AMPH: variants seen among roughly 807,000 people sequenced by gnomAD.
AMPH encodes amphiphysin.
A neutral mutation model predicts 99.1 loss-of-function variants in AMPH; 49 were observed. The observed-to-expected ratio is 0.49, with a 90% CI of 0.39 to 0.63. AMPH has a LOEUF of 0.63. Ranked by LOEUF, AMPH falls within the 20% of genes least tolerant of loss-of-function variation. The pLI is 0.00. For synonymous variants in AMPH, 314 were observed against 317.3 expected, an observed-to-expected ratio of 0.99 and a Z score of 0.11; for missense variants, 759 against 863.4, an observed-to-expected ratio of 0.88 and a Z score of 1.52.
intron 1 of AMPH, among the ~76,000 whole-genome samples, chr7:38,590,145 C>T (rs1792802782): frequency 6.9e-6 from 1 of 144,036 alleles, no homozygotes; most frequent in African/African-American, 2.7e-5. Flanking sequence ...GGAATGGAAC[C>T]TTGAGCCATG....
chr7:38,432,384 A>T (rs148693278), intron 12 of AMPH, among the ~76,000 whole-genome samples, 172 bp from the exon 13 acceptor site: 1 of 152,180 alleles, frequency 6.6e-6, no homozygotes, highest in Non-Finnish European at 1.5e-5. Flanking sequence ...CTTATCCAGT[A>T]TGGTAGCCAC....
intron 2 of AMPH, among the ~76,000 whole-genome samples, chr7:38,515,570 C>T (rs1339658959): frequency 2.6e-5 from 4 of 152,120 alleles, no homozygotes; most frequent in Non-Finnish European, 4.4e-5. Flanking sequence ...TTATAAATTA[C>T]CCAGTTTCAG....
chr7:38,561,926 A>G (rs1347771492), intron 1 of AMPH, among the ~76,000 whole-genome samples: 3 of 142,856 alleles, frequency 2.1e-5, no homozygotes, highest in Admixed American at 1.4e-4. Context: ...ACTTGTAAGA[A>G]AAAAAAAAAA....
chr7:38,590,214 A>G (rs140624091), intron 1 of AMPH, among the ~76,000 whole-genome samples: 9,800 of 152,216 alleles, frequency 0.064, 370 homozygotes, highest in East Asian at 0.12. Context: ...CGTGGAACCC[A>G]GCGACTAGTG....
chr7:38,467,198 G>C (rs1205558818), intron 7 of AMPH, among the ~76,000 whole-genome samples: 4 of 152,142 alleles, frequency 2.6e-5, no homozygotes, highest in Non-Finnish European at 4.4e-5. Flanking sequence ...TGGTTCTCTG[G>C]GGCAGAGGTC....
At chr7:38,473,567 G>C (rs545206439) in intron 7 of AMPH, among the ~76,000 whole-genome samples, 2 of 106,522 alleles carry the variant, frequency 1.9e-5, no homozygotes, top group Non-Finnish European at 3.7e-5. Flanking sequence ...AGCCGGGCGC[G>C]GTGGCGGGCG....
intron 1 of AMPH, among the ~76,000 whole-genome samples, chr7:38,611,853 T>C (rs570510900): frequency 6.6e-6 from 1 of 152,284 alleles, no homozygotes; most frequent in African/African-American, 2.4e-5. Flanking sequence ...CCATAAATGT[T>C]AGTAATAGGA....
At chr7:38,516,034 G>C (rs1789726236) in intron 2 of AMPH, among the ~76,000 whole-genome samples, 1 of 152,216 alleles carries the variant, frequency 6.6e-6, no homozygotes, top group African/African-American at 2.4e-5. Flanking sequence ...CATGAGCAAA[G>C]AAATGACCTG....
chr7:38,424,727 T>C (rs1023381790), intron 15 of AMPH, among the ~76,000 whole-genome samples: 2 of 152,078 alleles, frequency 1.3e-5, no homozygotes, highest in Admixed American at 6.6e-5. Context: ...AAAAGGCTTA[T>C]ACAGTGGATG....
chr7:38,403,834 C>T (rs1784910012), intron 17 of AMPH, among the ~76,000 whole-genome samples: 1 of 152,232 alleles, frequency 6.6e-6, no homozygotes, highest in South Asian at 2.1e-4. Context: ...ACTTCCCCTA[C>T]TGGGGCCTTG....
chr7:38,577,199 G>C (rs1422430360), intron 1 of AMPH, among the ~76,000 whole-genome samples: 1 of 152,072 alleles, frequency 6.6e-6, no homozygotes, highest in Non-Finnish European at 1.5e-5. Context: ...AAACTAATTT[G>C]GAAAATCAAA....
intron 19 of AMPH, 136 bp from the exon 20 acceptor site, chr7:38,390,041 C>T: frequency 1.5e-6 from 1 of 666,506 alleles, no homozygotes; most frequent in South Asian, 1.8e-5. Context: ...GCCTCTAAAG[C>T]CAGAAGGGAA....
intron 16 of AMPH, among the ~76,000 whole-genome samples, chr7:38,419,189 A>G (rs12701628): frequency 0.078 from 11,804 of 152,092 alleles, 698 homozygotes; most frequent in African/African-American, 0.17. Context: ...CAATCAAAAC[A>G]CACCTCTATT....
At chr7:38,561,485 G>A (rs1791549804) in intron 1 of AMPH, among the ~76,000 whole-genome samples, 1 of 152,234 alleles carries the variant, frequency 6.6e-6, no homozygotes, top group Non-Finnish European at 1.5e-5. Flanking sequence ...ACAACAGAAA[G>A]AGGGCGAAAT....
intron 5 of AMPH, among the ~76,000 whole-genome samples, chr7:38,485,981 T>C (rs895661225): frequency 2.0e-5 from 3 of 151,866 alleles, no homozygotes; most frequent in Admixed American, 6.6e-5. Context: ...GTTTTAGTGA[T>C]AAACGCATAC....
chr7:38,595,686 G>A (rs1046447451), intron 1 of AMPH, among the ~76,000 whole-genome samples: 1 of 152,162 alleles, frequency 6.6e-6, no homozygotes, highest in Non-Finnish European at 1.5e-5. Flanking sequence ...TAGTGACACA[G>A]TACCCATTTG....
At chr7:38,466,126 T>C (rs1269617269) in intron 8 of AMPH, 47 bp downstream of exon 8, 20 of 1,446,088 alleles carry the variant, frequency 1.4e-5, no homozygotes, top group Non-Finnish European at 1.9e-5. Context: ...AAAATAAACC[T>C]TCCTTTACTT....
chr7:38,620,285 C>T (rs963716212), intron 1 of AMPH, among the ~76,000 whole-genome samples: 4 of 151,796 alleles, frequency 2.6e-5, no homozygotes, highest in Non-Finnish European at 4.4e-5. Context: ...CTCCTTCCCT[C>T]TCTGCCCCAC....
At chr7:38,509,866 G>A (rs1377939085) in intron 2 of AMPH, among the ~76,000 whole-genome samples, 1 of 152,150 alleles carries the variant, frequency 6.6e-6, no homozygotes, top group Non-Finnish European at 1.5e-5. Flanking sequence ...GGTGTCTCCT[G>A]CTGTGGGTAT....
Sources: allele counts gnomAD v4.1 joint callset (sites outside exome capture counted in the v4.1 genomes callset), GRCh38; gene constraint gnomAD v4.1.1; transcripts MANE v1.5; gene names NCBI Gene and HGNC (gene_info 2026-07-23, HGNC 2026-07-21).